WWOX: variants seen among roughly 807,000 people sequenced by gnomAD.
WWOX encodes the protein WW domain containing oxidoreductase, also known as WW domain-containing oxidoreductase.
Under a neutral mutation model 46.2 loss-of-function variants are expected in WWOX, and 69 were observed. That is an observed-to-expected ratio of 1.49 (90% confidence interval 1.23 to 1.82). The LOEUF (loss-of-function observed/expected upper bound fraction) is 1.82, where lower values mean the gene tolerates loss of function less well. WWOX is among the 40% of genes most tolerant of loss of function. The probability of loss-of-function intolerance (pLI) is 0.00; values close to 1 mark genes in which losing one functional copy is unlikely to be tolerated. For missense variants in WWOX, 919 were observed against 542.6 expected (o/e 1.69, Z -6.89); for synonymous variants, 359 against 202.6 (o/e 1.77, Z -6.56).
intron 8 of WWOX, chr16:78,551,886 T>C (rs1293002453): frequency 6.6e-6 from 1 of 152,210 alleles, no homozygotes; most frequent in Non-Finnish European, 1.5e-5. Context: ...AAGCAGGTGT[T>C]GTTTCTGTTA....
intron 8 of WWOX, among the ~76,000 whole-genome samples, chr16:78,680,045 G>A (rs2047693297): frequency 6.6e-6 from 1 of 152,196 alleles, no homozygotes; most frequent in African/African-American, 2.4e-5. Context: ...GCAAGCCTCA[G>A]TTTTCTCATC....
chr16:79,008,778 C>G lies in WWOX; in HGVS notation c.1057-202830C>G, dbSNP rs77281412. On this transcript the variant is annotated intron_variant, in intron 8 of 8. Coordinates refer to ENST00000566780, the MANE Select transcript of WWOX (RefSeq NM_016373.4). ...CAGCAAACAAAGGGAGATCACAGCA[C>G]CTGTCCCAGGCCTTGTCTTCCAGCC... Among the ~76,000 whole-genome samples, 786 of 152,314 alleles carry G rather than the reference C, an allele frequency of 5.2e-3. 31 individuals are homozygous for G. The East Asian group carries it at 0.081, about 16-fold the overall frequency.
chr16:78,524,820 G>GT (rs36073652), intron 8 of WWOX, among the ~76,000 whole-genome samples: 95,018 of 123,198 alleles, frequency 0.77, 37,519 homozygotes, highest in East Asian at 0.96. Context: ...TTTTTTATGG[G>GT]TTTTTTTTTT....
chr16:78,434,088 C>T (rs570973610), intron 8 of WWOX, among the ~76,000 whole-genome samples: 135 of 152,270 alleles, frequency 8.9e-4, no homozygotes, highest in African/African-American at 3.2e-3. Context: ...CGCGCCCGGC[C>T]TGGGGATGAC....
chr16:78,099,917 C>T lies in WWOX; in HGVS notation c.107+32C>T, dbSNP rs374586323. The T allele has an allele frequency of 3.2e-6, 5 of 1,548,906 alleles. No individual in the cohort carries two copies. In the South Asian group the frequency reaches 4.8e-5, roughly 15 times the overall value. On this transcript the variant is annotated intron_variant, in intron 1 of 8. Transcript: ENST00000566780. ...GGGCCGCAGTGGGGCCGCGGACGCA[C>T]CTGGGACCCTGCACAGCCCACGGAC...
intron 8 of WWOX, among the ~76,000 whole-genome samples, chr16:78,686,851 C>T (rs2047873277): frequency 6.6e-6 from 1 of 152,168 alleles, no homozygotes; most frequent in East Asian, 1.9e-4. Flanking sequence ...GAAACTCACC[C>T]AGGAAGGCAG....
intron 4 of WWOX, among the ~76,000 whole-genome samples, chr16:78,127,741 C>G (rs914967912): frequency 6.6e-6 from 1 of 152,158 alleles, no homozygotes; most frequent in African/African-American, 2.4e-5. Context: ...AGTAGAAATG[C>G]TCAACTTTGC....
At chr16:78,774,535 C>CGT (rs1567551016) in intron 8 of WWOX, among the ~76,000 whole-genome samples, 7 of 136,464 alleles carry the variant, frequency 5.1e-5, no homozygotes, top group Non-Finnish European at 1.1e-4. Context: ...TGTGTGTGCG[C>CGT]GTGCGCACAC....
chr16:78,584,536 A>G (rs1482684955), intron 8 of WWOX, among the ~76,000 whole-genome samples: 1 of 152,272 alleles, frequency 6.6e-6, no homozygotes, highest in Admixed American at 6.5e-5. Context: ...GGAGCCCATT[A>G]TAAGTGAACT....
intron 8 of WWOX, among the ~76,000 whole-genome samples, chr16:78,469,551 G>C (rs1258968264): frequency 6.6e-6 from 1 of 152,194 alleles, no homozygotes; most frequent in Non-Finnish European, 1.5e-5. Context: ...ATGTCATGGG[G>C]TGTGCAGAAG....
intron 8 of WWOX, among the ~76,000 whole-genome samples, chr16:78,596,975 G>C (rs2045506128): frequency 6.6e-6 from 1 of 152,138 alleles, no homozygotes; most frequent in Admixed American, 6.5e-5. Flanking sequence ...TAGCTATGCA[G>C]ATGCAGTTTA....
chr16:78,554,632 C>G (rs139484629), intron 8 of WWOX, among the ~76,000 whole-genome samples: 6 of 151,656 alleles, frequency 4.0e-5, no homozygotes, highest in East Asian at 1.9e-4. Flanking sequence ...TGCCTTTGGA[C>G]AAGAAAAAAT....
intron 8 of WWOX, among the ~76,000 whole-genome samples, chr16:78,771,963 C>T (rs763455981): frequency 3.3e-5 from 5 of 152,014 alleles, no homozygotes; most frequent in African/African-American, 1.2e-4. Context: ...TGATACTTCC[C>T]TCTCAGTGTA....
At chr16:78,866,088 G>GT (rs2043997290) in intron 8 of WWOX, among the ~76,000 whole-genome samples, 1 of 152,184 alleles carries the variant, frequency 6.6e-6, no homozygotes, top group African/African-American at 2.4e-5. Context: ...GAAATGTTAA[G>GT]TTTTTTAGAG....
chr16:79,172,837 G>A (rs1029272325), intron 8 of WWOX, among the ~76,000 whole-genome samples: 24 of 149,778 alleles, frequency 1.6e-4, no homozygotes, highest in African/African-American at 5.4e-4. Context: ...ACCAGTCAGG[G>A]CAATATAGAC....
chr16:78,279,272 G>T (rs1046273752), intron 5 of WWOX, among the ~76,000 whole-genome samples: 1 of 152,084 alleles, frequency 6.6e-6, no homozygotes, highest in Non-Finnish European at 1.5e-5. Context: ...GAGTGTGTGT[G>T]TGTAGGGGGA....
intron 8 of WWOX, among the ~76,000 whole-genome samples, chr16:78,600,556 T>A (rs998760771): frequency 6.6e-6 from 1 of 152,122 alleles, no homozygotes; most frequent in Non-Finnish European, 1.5e-5. Context: ...CTCCTAGGGA[T>A]CATCATCATT....
At chr16:78,839,531 T>G (rs1367345747) in intron 8 of WWOX, among the ~76,000 whole-genome samples, 2 of 152,180 alleles carry the variant, frequency 1.3e-5, no homozygotes, top group Non-Finnish European at 2.9e-5. Flanking sequence ...CCCTTCCTCA[T>G]GCTAATAGGT....
intron 8 of WWOX, among the ~76,000 whole-genome samples, chr16:78,693,951 G>T (rs183073450): frequency 1.3e-5 from 2 of 152,258 alleles, no homozygotes; most frequent in African/African-American, 2.4e-5. Flanking sequence ...GGATTTAGAC[G>T]TCTGGACGTG....
Sources: allele counts gnomAD v4.1 joint callset (sites outside exome capture counted in the v4.1 genomes callset), GRCh38; gene constraint gnomAD v4.1.1; transcripts MANE v1.5; gene names NCBI Gene and HGNC (gene_info 2026-07-23, HGNC 2026-07-21).